The following PCDHA12 variants were observed in gnomAD, a reference collection of about 807,000 sequenced individuals.
PCDHA12 encodes the protein protocadherin alpha-12.
PCDHA12 carries 44 observed loss-of-function variants against 60.0 expected under a neutral mutation model. That is an observed-to-expected ratio of 0.73 (90% CI 0.58 to 0.94). PCDHA12 has a LOEUF of 0.94. PCDHA12 is among the 40% of genes least tolerant of loss of function. PCDHA12 has a pLI of 0.00. For missense variants in PCDHA12, 1,276 were observed against 1,239.7 expected (o/e 1.03, Z -0.44); for synonymous variants, 569 against 553.0 (o/e 1.03, Z -0.40).
At chr5:140,976,148 C>T (rs1563445972) in intron 1 of PCDHA12, among the ~76,000 whole-genome samples, 1 of 152,160 alleles carries the variant, frequency 6.6e-6, no homozygotes, top group Non-Finnish European at 1.5e-5. Flanking sequence ...AACTCATGTA[C>T]ATTTTACTAC....
chr5:140,883,852 G>A (rs1554180292), intron 1 of PCDHA12: 1 of 1,612,972 alleles, frequency 6.2e-7, no homozygotes. Flanking sequence ...ACGAGGAGCT[G>A]GAGCTGTTGC....
intron 1 of PCDHA12, among the ~76,000 whole-genome samples, chr5:140,914,715 T>A (rs1554196547): frequency 6.6e-6 from 1 of 152,162 alleles, no homozygotes; most frequent in Non-Finnish European, 1.5e-5. Flanking sequence ...TTCTTGTTTT[T>A]TATTTTTTGT....
At position 140,992,156 on chromosome 5, in the gene PCDHA12, A is replaced by G. The variant is rs79603129; in HGVS notation, c.2515+9593A>G. On this transcript the variant is annotated intron_variant, in intron 3 of 3. Coordinates refer to ENST00000398631, the MANE Select transcript of PCDHA12 (RefSeq NM_018903.4). ...TGATGATGCTAACTTTGCTCAATCA[A>G]GAAGTGTGATCCATTTAAATCATGC... Among the ~76,000 whole-genome samples the G allele has an allele frequency of 2.1e-3, 313 of 152,232 alleles. 2 individuals carry two copies. The highest frequency in any genetic ancestry group is 3.8e-3 in the Non-Finnish European group (258 of 67,998).
At position 140,993,525 on chromosome 5, in the gene PCDHA12, G is replaced by C. The variant is rs573802745; in HGVS notation, c.2515+10962G>C. On this transcript the variant is annotated intron_variant, in intron 3 of 3. Coordinates refer to ENST00000398631, the MANE Select transcript of PCDHA12 (RefSeq NM_018903.4). Reference sequence around the variant, plus strand: ...ACACACACACGGGGAGAGAGAGACAGAGAGAGAGAGAGATAGAGAAGTGAA... The same window carrying C: ...ACACACACACGGGGAGAGAGAGACACAGAGAGAGAGAGATAGAGAAGTGAA... Among the ~76,000 whole-genome samples the C allele has an allele frequency of 4.8e-5, 7 of 147,308 alleles. No homozygotes were observed. The East Asian group carries it at 1.2e-3, about 24-fold the overall frequency.
At chr5:140,910,682 C>G (rs1280217836) in intron 1 of PCDHA12, among the ~76,000 whole-genome samples, 2 of 152,198 alleles carry the variant, frequency 1.3e-5, no homozygotes, top group East Asian at 3.8e-4. Flanking sequence ...GGAGATCAGG[C>G]ATTTCCAGCT....
intron 1 of PCDHA12, among the ~76,000 whole-genome samples, chr5:140,907,880 A>G (rs2073662183): frequency 6.6e-6 from 1 of 152,236 alleles, no homozygotes; most frequent in Non-Finnish European, 1.5e-5. Flanking sequence ...GAGCACTCAC[A>G]TGGGATACAA....
intron 1 of PCDHA12, among the ~76,000 whole-genome samples, chr5:140,935,203 A>T (rs1403808889): frequency 6.6e-6 from 1 of 152,160 alleles, no homozygotes; most frequent in African/African-American, 2.4e-5. Flanking sequence ...GTTTCTAGGT[A>T]TCTTCAGCTA....
intron 1 of PCDHA12, among the ~76,000 whole-genome samples, chr5:140,959,555 T>A (rs538493851): frequency 1.3e-5 from 2 of 152,118 alleles, no homozygotes; most frequent in African/African-American, 4.8e-5. Flanking sequence ...ATAAATAGAA[T>A]CAGTACTAGA....
chr5:140,964,857 CAA>C (rs1352009406), intron 1 of PCDHA12, among the ~76,000 whole-genome samples: 5 of 152,088 alleles, frequency 3.3e-5, no homozygotes, highest in Admixed American at 3.3e-4. Context: ...CTTGAGGAAA[CAA>C]AGAGGACAAA....
intron 3 of PCDHA12, among the ~76,000 whole-genome samples, chr5:140,989,704 A>G (rs1011656518): frequency 9.2e-5 from 14 of 152,202 alleles, no homozygotes; most frequent in Admixed American, 9.2e-4. Context: ...TTTTATCTTC[A>G]GAGGCAGTCA....
At chr5:140,999,551 G>C (rs1189671768) in intron 3 of PCDHA12, among the ~76,000 whole-genome samples, 3 of 152,088 alleles carry the variant, frequency 2.0e-5, no homozygotes, top group East Asian at 1.9e-4. Context: ...CAATGAAGAG[G>C]GGGTATTTTG....
intron 1 of PCDHA12, chr5:140,927,797 C>T (rs1554205063): frequency 6.2e-7 from 1 of 1,614,196 alleles, no homozygotes; most frequent in Non-Finnish European, 8.5e-7. Context: ...CTAGGTCCGC[C>T]TGAAACGCTC....
At chr5:140,945,569 A>C (rs575302416) in intron 1 of PCDHA12, among the ~76,000 whole-genome samples, 2 of 152,256 alleles carry the variant, frequency 1.3e-5, no homozygotes, top group South Asian at 4.1e-4. Context: ...ACATCATACT[A>C]CCTGGCTTCA....
chr5:140,906,050 G>T (rs560570961), intron 1 of PCDHA12, among the ~76,000 whole-genome samples: 2 of 152,268 alleles, frequency 1.3e-5, no homozygotes, highest in African/African-American at 4.8e-5. Flanking sequence ...TATTCTGGCT[G>T]CACTGGCAGC....
intron 1 of PCDHA12, among the ~76,000 whole-genome samples, chr5:140,951,377 G>T (rs2094577141): frequency 6.6e-6 from 1 of 152,070 alleles, no homozygotes; most frequent in Non-Finnish European, 1.5e-5. Context: ...AAACACCCAA[G>T]ACTCGGTAAT....
intron 1 of PCDHA12, chr5:140,966,931 C>T: frequency 6.2e-7 from 1 of 1,603,674 alleles, no homozygotes; most frequent in Non-Finnish European, 8.5e-7. Flanking sequence ...AGGCACCCGG[C>T]GCGCTCGTGG....
At chr5:140,932,728 T>C (rs2088582843) in intron 1 of PCDHA12, among the ~76,000 whole-genome samples, 1 of 151,886 alleles carries the variant, frequency 6.6e-6, no homozygotes, top group African/African-American at 2.4e-5. Context: ...TTGTATAATA[T>C]AGACCCTCAA....
At chr5:140,966,707 A>T in intron 1 of PCDHA12, 2 of 1,379,868 alleles carry the variant, frequency 1.4e-6, no homozygotes, top group Non-Finnish European at 9.3e-7. Flanking sequence ...GGCGTGGGGC[A>T]CGGCTGGGGA....
intron 1 of PCDHA12, among the ~76,000 whole-genome samples, chr5:140,938,974 G>T (rs534312375): frequency 6.6e-6 from 1 of 152,230 alleles, no homozygotes; most frequent in Non-Finnish European, 1.5e-5. Context: ...TGGCATCAAG[G>T]CTATCCTGGC....
Sources: allele counts gnomAD v4.1 joint callset (sites outside exome capture counted in the v4.1 genomes callset), GRCh38; gene constraint gnomAD v4.1.1; transcripts MANE v1.5; gene names NCBI Gene and HGNC (gene_info 2026-07-23, HGNC 2026-07-21).